The following TSC2 variants were observed in gnomAD, a reference collection of about 807,000 sequenced individuals.
TSC2 encodes TSC complex subunit 2.
TSC2 carries 29 observed loss-of-function variants against 202.2 expected under a neutral mutation model. The ratio of observed to expected loss-of-function variants is 0.14; its 90% CI spans 0.11 to 0.20. TSC2 has a LOEUF of 0.20. Among genes scored for constraint, TSC2 ranks in the 10% least tolerant of loss-of-function variants. The pLI, the probability that TSC2 is intolerant of heterozygous loss-of-function variation, is 1.00. For synonymous variants in TSC2, 1,349 were observed against 1,044.0 expected (o/e 1.29, Z -5.63); for missense variants, 2,429 against 2,420.0 (o/e 1.00, Z -0.08).
chr16:2,052,510 G>C (rs1207247916), intron 3 of TSC2, among the ~76,000 whole-genome samples: 1 of 152,122 alleles, frequency 6.6e-6, no homozygotes, highest in African/African-American at 2.4e-5. Context: ...GGGTCTCACT[G>C]TGTTGCCCAG....
At chr16:2,061,777 G>C in intron 11 of TSC2, 94 bp from the exon 12 acceptor site, 1 of 1,602,586 alleles carries the variant, frequency 6.2e-7, no homozygotes, top group South Asian at 1.1e-5. Context: ...AGGGCTGAGG[G>C]TGTCTCCATG....
chr16:2,059,039 G>T (rs2086274736), intron 10 of TSC2, among the ~76,000 whole-genome samples, 166 bp downstream of exon 10: 1 of 144,254 alleles, frequency 6.9e-6, no homozygotes, highest in Non-Finnish European at 1.5e-5. Flanking sequence ...CCCTTTGTAG[G>T]CTTTAGTCTT....
Position 2,080,554 on chromosome 16 carries a change from G to T in TSC2, c.3610+177G>T, listed in dbSNP as rs917423894. 6 of 715,272 alleles carry T rather than the reference G, an allele frequency of 8.4e-6. No homozygotes were observed. In the African/African-American group the frequency reaches 9.0e-5, roughly 11 times the overall value. 44.3% of individuals were successfully genotyped at this position (715,272 alleles called of 1,614,324 possible). On this transcript the variant is annotated intron_variant, in intron 30 of 41. Transcript: ENST00000219476. Reference sequence around the variant, plus strand: ...GCTGGAACGCAGTGGCGCAATCTCGGCTCACTGCAAGCTCCACCTCCCGGG... The same window carrying T: ...GCTGGAACGCAGTGGCGCAATCTCGTCTCACTGCAAGCTCCACCTCCCGGG...
In TSC2 at chr16:2,088,464, T is replaced by C. The variant is rs2151638289; in HGVS notation, c.5278T>C (p.Tyr1760His). 2.5e-6 allele frequency: 4 copies of C among 1,612,828 alleles called. No homozygotes were observed. Among genetic ancestry groups the C allele is most frequent in the Non-Finnish European group, 3.4e-6 (4 of 1,180,018 alleles). ...LRQRICEEAA[Y>H]SNPSLPLVHP... ...CCTTCAGATCTGCGAGGAAGCCGCCTACTCCAACCCCAGCCTACCTCTGGT... is the reference window on the plus strand; with the variant it reads ...CCTTCAGATCTGCGAGGAAGCCGCCCACTCCAACCCCAGCCTACCTCTGGT... The change falls in exon 42 of 42, where the codon TAC becomes CAC. Residue 1760 changes from tyrosine (Y) to histidine (H), a missense_variant. Physicochemically the swap from Tyr to His is moderately conservative, Grantham distance 83 (BLOSUM62 2). Coordinates refer to ENST00000219476, the MANE Select transcript of TSC2 (RefSeq NM_000548.5).
At chr16:2,070,728 T>G (rs1218832760) in intron 17 of TSC2, 150 bp downstream of exon 17, 2 of 1,338,456 alleles carry the variant, frequency 1.5e-6, no homozygotes, top group Non-Finnish European at 1.0e-6. Context: ...GGCCGCAGCC[T>G]CCCCAGTCCT....
At position 2,086,746 on chromosome 16, in the gene TSC2, G is replaced by A. The variant is rs769913589; in HGVS notation, c.4864G>A (p.Ala1622Thr). The stretch of plus-strand genomic sequence containing the variant: ...CTCACCCTCAGCCGTCTTCCACATC[G>A]CCACCCTGATGCCCACCAAGGACGT... ...DDIMQAVFHI[A>T]TLMPTKDVDK... Residue 1622 changes from alanine (A) to threonine (T), a missense_variant, in exon 38 of 42, where the codon GCC becomes ACC. Physicochemically the swap from Ala to Thr is moderately conservative, Grantham distance 58. Coordinates refer to ENST00000219476, the MANE Select transcript of TSC2 (RefSeq NM_000548.5). 18 of 1,610,428 alleles carry A rather than the reference G, an allele frequency of 1.1e-5. No homozygotes were observed. The highest frequency in any genetic ancestry group is 6.7e-5 in the East Asian group (3 of 44,890).
rs1245757559 is a variant in TSC2, at chr16:2,084,313, C to A, written c.4091C>A (p.Ser1364Tyr). 1 of 1,612,770 alleles carries A rather than the reference C, an allele frequency of 6.2e-7. No individual in the cohort carries two copies. Among genetic ancestry groups the A allele is most frequent in the Admixed American group, 1.7e-5 (1 of 60,024 alleles). ...GRGIPIERVV[S>Y]SEGGRPSVDL... ...GGCATCCCCATCGAGCGAGTCGTCT[C>A]CTCGGAGGGTGGCCGGCCCTCTGTG... The change falls in exon 34 of 42, where the codon TCC becomes TAC. Residue 1364 changes from serine (S) to tyrosine (Y), a missense_variant. By Grantham distance (144) the Ser-to-Tyr change is moderately radical. Transcript: ENST00000219476.
At chr16:2,071,726 A>G in intron 18 of TSC2, 58 bp from the exon 19 acceptor site, 4 of 1,595,686 alleles carry the variant, frequency 2.5e-6, no homozygotes, top group South Asian at 2.3e-5. Context: ...GGAAGAGCCA[A>G]GTCTGTTCCG....
At chr16:2,074,121 G>A in intron 21 of TSC2, 79 bp from the exon 22 acceptor site, 1 of 1,573,336 alleles carries the variant, frequency 6.4e-7, no homozygotes, top group South Asian at 1.1e-5. Context: ...TCCCGGTGGA[G>A]CACTCGAGGT....
intron 14 of TSC2, 167 bp from the exon 15 acceptor site, chr16:2,064,105 G>A: frequency 9.0e-7 from 1 of 1,111,934 alleles, no homozygotes; most frequent in Non-Finnish European, 1.3e-6. Flanking sequence ...AGGGGCCCCG[G>A]GGTCTCTGAG....
At position 2,084,935 on chromosome 16, in the gene TSC2, TC is replaced by T; in HGVS notation, c.4494-12del. ...CAGGCCCTCACCTGGGTGCCCACCA[TC>T]CCCTCCCTGTGCAGTTTCGTGTTCC... On this transcript the variant is annotated splice_polypyrimidine_tract_variant and intron_variant, in intron 34 of 41. Transcript: ENST00000219476. 2 of 1,613,100 alleles carry T rather than the reference TC, an allele frequency of 1.2e-6. No homozygotes were observed. Among genetic ancestry groups the T allele is most frequent in the South Asian group, 2.2e-5 (2 of 91,086 alleles).
chr16:2,050,806 C>CG (rs2085020037), intron 3 of TSC2, among the ~76,000 whole-genome samples: 3 of 151,536 alleles, frequency 2.0e-5, no homozygotes, highest in Non-Finnish European at 4.4e-5. Context: ...CCAGGCTGGT[C>CG]TTGAACTCCT....
At chr16:2,071,735 C>G (rs199995548) in intron 18 of TSC2, 49 bp from the exon 19 acceptor site, 2 of 1,596,820 alleles carry the variant, frequency 1.3e-6, no homozygotes, top group Non-Finnish European at 1.7e-6. Flanking sequence ...AAGTCTGTTC[C>G]GTTCCTGCTG....
rs796053485 is a variant in TSC2 at position 2,062,546 on chromosome 16, C to A, written c.1307C>A (p.Pro436Gln). The A allele has an allele frequency of 3.7e-6, 6 of 1,612,222 alleles. No homozygotes were observed. The highest frequency in any genetic ancestry group is 1.7e-5 in the Admixed American group (1 of 59,848). Reference sequence around the variant, plus strand: ...TCCTATAGAGCGCAGTCCATCCACCCGGCCAAGGACGGCTGGATTCAGAAC... The same window carrying A: ...TCCTATAGAGCGCAGTCCATCCACCAGGCCAAGGACGGCTGGATTCAGAAC... ...LISYRAQSIH[P>Q]AKDGWIQNLQ... The change falls in exon 13 of 42, where the codon CCG (proline) becomes CAG (glutamine). Residue 436 changes from proline (P) to glutamine (Q), a missense_variant. Transcript: ENST00000219476.
At chr16:2,083,553 G>A in intron 32 of TSC2, 142 bp from the exon 33 acceptor site, 1 of 1,425,136 alleles carries the variant, frequency 7.0e-7, no homozygotes, top group Non-Finnish European at 9.6e-7. Flanking sequence ...CCGCTCGGTG[G>A]ATGGCAGCAG....
intron 21 of TSC2, among the ~76,000 whole-genome samples, chr16:2,073,490 C>T (rs978516372): frequency 6.6e-6 from 1 of 152,274 alleles, no homozygotes; most frequent in Non-Finnish European, 1.5e-5. Flanking sequence ...AGATTCTGGC[C>T]TCCGCTCAGG....
Position 2,077,654 on chromosome 16 carries a change from A to C in TSC2, c.2894A>C (p.Glu965Ala). The change falls in exon 26 of 42, where the codon GAA becomes GCA. Residue 965 changes from glutamate (E) to alanine (A), a missense_variant. By Grantham distance (107) the Glu-to-Ala change is moderately radical (BLOSUM62 -1). Transcript: ENST00000219476. ...TTGAATAACTCTCCACCCGTGAAAG[A>C]ATTCAAGGAGAGCTCTGCAGCCGAG... The part of the protein sequence containing the change: ...QGLNNSPPVK[E>A]FKESSAAEAF... The C allele has an allele frequency of 6.2e-7, 1 of 1,613,132 alleles. No individual in the cohort carries two copies. Among genetic ancestry groups the C allele is most frequent in the Non-Finnish European group, 8.5e-7 (1 of 1,180,024 alleles).
rs752945858 is a variant in TSC2, at chr16:2,088,460, C to T, written c.5274C>T (p.Ala1758=). Residue 1758 remains alanine, a synonymous_variant, in exon 42 of 42, where the codon GCC becomes GCT. Coordinates refer to ENST00000219476, the MANE Select transcript of TSC2 (RefSeq NM_000548.5). ...KRLRQRICEE[A]AYSNPSLPLV... ...TCTGCCTTCAGATCTGCGAGGAAGCCGCCTACTCCAACCCCAGCCTACCTC... is the reference window on the plus strand; with the variant it reads ...TCTGCCTTCAGATCTGCGAGGAAGCTGCCTACTCCAACCCCAGCCTACCTC... The T allele has an allele frequency of 2.0e-5, 33 of 1,612,722 alleles. No individual in the cohort carries two copies. The highest frequency in any genetic ancestry group is 5.0e-5 in the Admixed American group (3 of 60,002).
chr16:2,088,254 T>C lies in TSC2; in HGVS notation c.5188T>C (p.Ser1730Pro), dbSNP rs2151628975. The C allele has an allele frequency of 6.3e-7, 1 of 1,591,042 alleles. No homozygotes were observed. The highest frequency in any genetic ancestry group is 8.5e-7 in the Non-Finnish European group (1 of 1,171,638). Residue 1730 changes from serine (S) to proline (P), a missense_variant, in exon 41 of 42, where the codon TCC becomes CCC. Transcript: ENST00000219476. The stretch of plus-strand genomic sequence containing the variant: ...GGCCTCACAGGTGCATCATAGCCGC[T>C]CCAACCCCACCGATATCTACCCCTC... ...NMASQVHHSR[S>P]NPTDIYPSKW...
Sources: gnomAD v4.1 joint callset for allele counts (sites outside exome capture counted in the v4.1 genomes callset) on GRCh38, gnomAD v4.1.1 for gene constraint, MANE v1.5 for transcripts, NCBI Gene and HGNC (gene_info 2026-07-23, HGNC 2026-07-21) for gene names.